Variants in BCKDHB observed in about 807,000 individuals in gnomAD.
BCKDHB encodes the protein branched chain keto acid dehydrogenase E1 subunit beta.
BCKDHB carries 41 observed loss-of-function variants against 48.5 expected under a neutral mutation model. That is an observed-to-expected ratio of 0.85 (90% CI 0.66 to 1.10). The LOEUF is 1.10. BCKDHB is among the 50% of genes least tolerant of loss of function. BCKDHB has a pLI of 0.00. For missense variants in BCKDHB, 496 were observed against 494.2 expected (o/e 1.00, Z -0.03); for synonymous variants, 201 against 174.8 (o/e 1.15, Z -1.18).
intron 6 of BCKDHB, among the ~76,000 whole-genome samples, chr6:80,199,239 T>C (rs577492855): frequency 6.6e-6 from 1 of 152,146 alleles, no homozygotes; most frequent in African/African-American, 2.4e-5. Flanking sequence ...GGATTCAGAA[T>C]CTTGGATGCC....
chr6:80,127,511 C>T (rs373278318), intron 1 of BCKDHB, 36 bp from the exon 2 acceptor site: 19 of 1,552,870 alleles, frequency 1.2e-5, no homozygotes, highest in Middle Eastern at 1.7e-4. Flanking sequence ...ATGTATTTTA[C>T]AACACACGAA....
At chr6:80,248,120 GT>G (rs1776688898) in intron 8 of BCKDHB, among the ~76,000 whole-genome samples, 1 of 152,064 alleles carries the variant, frequency 6.6e-6, no homozygotes, top group South Asian at 2.1e-4. Flanking sequence ...CCCTTATCTA[GT>G]TTTCCTGCTC....
At chr6:80,202,567 C>T (rs1774445062) in intron 7 of BCKDHB, among the ~76,000 whole-genome samples, 2 of 152,060 alleles carry the variant, frequency 1.3e-5, no homozygotes, top group Admixed American at 1.3e-4. Context: ...AGCTCTTATT[C>T]CTGCTATGGT....
chr6:80,357,387 C>T, the BCKDHB span, among the ~76,000 whole-genome samples: 1 of 152,094 alleles, frequency 6.6e-6, no homozygotes, highest in Non-Finnish European at 1.5e-5. Flanking sequence ...CCTAGTCTCT[C>T]CTCCGGCCTT....
the BCKDHB span, among the ~76,000 whole-genome samples, chr6:80,450,315 G>GCTTTC: frequency 6.6e-6 from 1 of 152,090 alleles, no homozygotes; most frequent in Admixed American, 6.6e-5. Context: ...GTATTAATCA[G>GCTTTC]CTTTTCTTTT....
chr6:80,171,438 GTT>G (rs547432741), intron 6 of BCKDHB, 48 bp downstream of exon 6: 2 of 1,104,480 alleles, frequency 1.8e-6, no homozygotes, highest in Non-Finnish European at 2.7e-6. Context: ...TATATACTTT[GTT>G]TTTTATAGCT....
At chr6:80,353,942 T>C in the BCKDHB span, among the ~76,000 whole-genome samples, 1 of 152,230 alleles carries the variant, frequency 6.6e-6, no homozygotes, top group African/African-American at 2.4e-5. Flanking sequence ...TGATGATTAG[T>C]GATGTTGAGA....
chr6:80,173,678 C>G (rs1290638457), intron 6 of BCKDHB, among the ~76,000 whole-genome samples: 6 of 152,060 alleles, frequency 3.9e-5, no homozygotes, highest in African/African-American at 1.4e-4. Flanking sequence ...CTGATGTTGC[C>G]TGTGTCCATT....
the BCKDHB span, among the ~76,000 whole-genome samples, chr6:80,405,367 G>T: frequency 2.6e-5 from 4 of 151,826 alleles, no homozygotes; most frequent in African/African-American, 9.7e-5. Context: ...CTCTCTTTTG[G>T]TTTCTATTTG....
chr6:80,112,080 A>G (rs994937901), intron 1 of BCKDHB, among the ~76,000 whole-genome samples: 1 of 152,248 alleles, frequency 6.6e-6, no homozygotes, highest in Non-Finnish European at 1.5e-5. Flanking sequence ...AGACTTATTT[A>G]CTTAATTTAT....
chr6:80,189,594 C>A (rs1188037000), intron 6 of BCKDHB, among the ~76,000 whole-genome samples: 1 of 151,466 alleles, frequency 6.6e-6, no homozygotes, highest in Admixed American at 6.6e-5. Flanking sequence ...TAGGAGTTTT[C>A]ATCTACACTA....
chr6:80,261,416 C>A (rs1466180966), intron 8 of BCKDHB, among the ~76,000 whole-genome samples: 2 of 151,984 alleles, frequency 1.3e-5, no homozygotes, highest in Non-Finnish European at 2.9e-5. Flanking sequence ...GGAAAGAAAA[C>A]TTGTTACTCA....
chr6:80,298,831 T>C (rs1767402123), intron 9 of BCKDHB, among the ~76,000 whole-genome samples: 1 of 152,142 alleles, frequency 6.6e-6, no homozygotes, highest in Non-Finnish European at 1.5e-5. Flanking sequence ...CAACGCTGAA[T>C]CAGAAGTTCA....
chr6:80,292,183 G>T (rs899209350), intron 9 of BCKDHB, among the ~76,000 whole-genome samples: 4 of 152,264 alleles, frequency 2.6e-5, no homozygotes, highest in African/African-American at 2.4e-5. Flanking sequence ...TCTTTTATTG[G>T]CTCTATAAGT....
At chr6:80,258,620 G>GT (rs1463033681) in intron 8 of BCKDHB, among the ~76,000 whole-genome samples, 4 of 152,176 alleles carry the variant, frequency 2.6e-5, no homozygotes, top group Non-Finnish European at 5.9e-5. Context: ...GGGAGAGTGA[G>GT]TACCTGCCTT....
In BCKDHB at chr6:80,218,282, G is replaced by A. The variant is rs539878101; in HGVS notation, c.951+15070G>A. Among the ~76,000 whole-genome samples, 3 of 151,946 alleles carry A rather than the reference G, an allele frequency of 2.0e-5. No homozygotes were observed. In the East Asian group the frequency reaches 5.8e-4, roughly 29 times the overall value. On this transcript the variant is annotated intron_variant, in intron 8 of 9. Coordinates refer to ENST00000320393, the MANE Select transcript of BCKDHB (RefSeq NM_183050.4). ...CTTTATCTTGGCTATAATGGAGGCTGGAAAACATAGTTTTTTTATATTCTA... is the reference window on the plus strand; with the variant it reads ...CTTTATCTTGGCTATAATGGAGGCTAGAAAACATAGTTTTTTTATATTCTA...
At chr6:80,459,875 C>T in the BCKDHB span, among the ~76,000 whole-genome samples, 1 of 151,986 alleles carries the variant, frequency 6.6e-6, no homozygotes, top group Middle Eastern at 3.2e-3. Flanking sequence ...TGAGTTATTC[C>T]AATTCATTAT....
At chr6:80,137,862 T>C (rs930393802) in intron 3 of BCKDHB, among the ~76,000 whole-genome samples, 3 of 151,856 alleles carry the variant, frequency 2.0e-5, no homozygotes, top group African/African-American at 7.3e-5. Flanking sequence ...GGTGGGAGGA[T>C]TGCTTGAGGC....
chr6:80,222,065 C>CA (rs1213900060), intron 8 of BCKDHB, among the ~76,000 whole-genome samples: 1 of 152,158 alleles, frequency 6.6e-6, no homozygotes, highest in Admixed American at 6.5e-5. Context: ...ACCCATTACC[C>CA]AAATACTGAA....
Sources: gnomAD v4.1 joint callset for allele counts (sites outside exome capture counted in the v4.1 genomes callset) on GRCh38, gnomAD v4.1.1 for gene constraint, MANE v1.5 for transcripts, NCBI Gene and HGNC (gene_info 2026-07-23, HGNC 2026-07-21) for gene names.